Variants in ERG28 observed in about 807,000 individuals in gnomAD.
The protein encoded by ERG28 is ergosterol biosynthetic protein 28 homolog.
ERG28 carries 9 observed loss-of-function variants against 15.7 expected under a neutral mutation model. The ratio of observed to expected loss-of-function variants is 0.57; its 90% CI spans 0.35 to 1.00. The LOEUF (loss-of-function observed/expected upper bound fraction) is 1.00, where lower values mean the gene tolerates loss of function less well. Among genes scored for constraint, ERG28 ranks in the 50% least tolerant of loss-of-function variants. The pLI, the probability that ERG28 is intolerant of heterozygous loss-of-function variation, is 0.02. For missense variants in ERG28, 117 were observed against 173.3 expected (o/e 0.68, Z 1.82); for synonymous variants, 61 against 68.4 (o/e 0.89, Z 0.53).
intron 1 of ERG28, among the ~76,000 whole-genome samples, chr14:75,658,216 G>C (rs114297426): frequency 1.4e-3 from 216 of 152,264 alleles, no homozygotes; most frequent in African/African-American, 5.1e-3. Flanking sequence ...AGTTAAAATA[G>C]AGATCATAAG....
At position 75,651,905 on chromosome 14, in the gene ERG28, C is replaced by G; in HGVS notation, c.225-16G>C. ...GTGATAGAGCCTATAAGGAAGCAGA[C>G]AGAAATGGGAACCAAAGTTACTGTT... is the stretch of plus-strand genomic sequence containing the variant. On this transcript the variant is annotated splice_polypyrimidine_tract_variant and intron_variant, in intron 3 of 4. Transcript: ENST00000256319. 1 of 1,580,122 alleles carries G rather than the reference C, an allele frequency of 6.3e-7. No homozygotes were observed.
Position 75,651,479 on chromosome 14 carries a change from T to G in ERG28, c.*76A>C. ...GCAGATGATGGAATAGAAAAGAAATTAAAGAGGAGAGACGACGAAGGAAGA... is the reference window on the plus strand; with the variant it reads ...GCAGATGATGGAATAGAAAAGAAATGAAAGAGGAGAGACGACGAAGGAAGA... On this transcript the variant is annotated 3_prime_UTR_variant, in exon 5 of 5. Transcript: ENST00000256319. The G allele has an allele frequency of 2.9e-6, 4 of 1,385,374 alleles. No homozygotes were observed. Among genetic ancestry groups the G allele is most frequent in the Non-Finnish European group, 4.0e-6 (4 of 995,748 alleles). The allele number at this position is 1,385,374 out of a possible 1,614,324, so 85.8% of individuals were successfully genotyped here.
At chr14:75,657,326 C>T (rs1213351164) in intron 2 of ERG28, 44 bp downstream of exon 2, 1 of 1,609,042 alleles carries the variant, frequency 6.2e-7, no homozygotes, top group Non-Finnish European at 8.5e-7. Flanking sequence ...TAGGGCCAGT[C>T]CTATAAGTCC....
intron 3 of ERG28, among the ~76,000 whole-genome samples, chr14:75,653,783 T>G (rs138683344): frequency 6.8e-4 from 103 of 152,216 alleles, no homozygotes; most frequent in African/African-American, 2.3e-3. Flanking sequence ...CAGATATCTA[T>G]TCTCATTTTA....
At chr14:75,659,563 C>CT (rs10706626) in intron 1 of ERG28, among the ~76,000 whole-genome samples, 66,675 of 137,902 alleles carry the variant, frequency 0.48, 19,055 homozygotes, top group Non-Finnish European at 0.65. Flanking sequence ...AGCACCCAGC[C>CT]TTTTTTTTTT....
At chr14:75,656,685 C>T (rs1890602345) in intron 2 of ERG28, among the ~76,000 whole-genome samples, 2 of 152,172 alleles carry the variant, frequency 1.3e-5, no homozygotes, top group Non-Finnish European at 2.9e-5. Flanking sequence ...TTAAACTACC[C>T]CACACATCAG....
chr14:75,653,578 A>C (rs1268295627), intron 3 of ERG28, among the ~76,000 whole-genome samples: 20 of 151,506 alleles, frequency 1.3e-4, no homozygotes, highest in Admixed American at 1.3e-3. Flanking sequence ...ACTGTACTCC[A>C]GCTTGGGTGA....
At chr14:75,651,965 C>T in intron 3 of ERG28, 76 bp from the exon 4 acceptor site, 1 of 1,306,754 alleles carries the variant, frequency 7.7e-7, no homozygotes, top group Admixed American at 1.8e-5. Context: ...AGACTTCATA[C>T]AGACAAATAA....
intron 2 of ERG28, 101 bp downstream of exon 2, chr14:75,657,269 G>A (rs1566802929): frequency 1.2e-5 from 17 of 1,403,558 alleles, no homozygotes; most frequent in Middle Eastern, 1.9e-4. Context: ...GTTTGTTGAC[G>A]TTTCCTAGGT....
Position 75,651,579 on chromosome 14 carries a change from T to C in ERG28, c.399A>G (p.Val133=). ...CTCAGTTTCTCTTCTTCTGTCTGGA[T>C]ACTGGTTCTACTTCTAGATACCGGA... ...VGLRYLEVEP[V]SRQKKRN is the part of the protein sequence containing the mutation. The change falls in exon 5 of 5, where the codon GTA becomes GTG. Residue 133 remains valine, a synonymous_variant. Transcript: ENST00000256319. 1 of 1,613,364 alleles carries C rather than the reference T, an allele frequency of 6.2e-7. No homozygotes were observed. Among genetic ancestry groups the C allele is most frequent in the Non-Finnish European group, 8.5e-7 (1 of 1,179,358 alleles).
intron 1 of ERG28, among the ~76,000 whole-genome samples, chr14:75,659,129 G>A (rs146645327): frequency 6.6e-6 from 1 of 152,114 alleles, no homozygotes; most frequent in Non-Finnish European, 1.5e-5. Context: ...ACAGATGAGG[G>A]TTGGAACAGA....
In ERG28 at chr14:75,657,360, G is replaced by C. The variant is rs149661079; in HGVS notation, c.133+10C>G. Reference sequence around the variant, plus strand: ...CCTATAAAGGATGCAGAAATTCTTTGATTTCTTACCAAGGTTTGGCTTGCC... The same window carrying C: ...CCTATAAAGGATGCAGAAATTCTTTCATTTCTTACCAAGGTTTGGCTTGCC... On this transcript the variant is annotated intron_variant, in intron 2 of 4. Transcript: ENST00000256319. 2 of 1,613,728 alleles carry C rather than the reference G, an allele frequency of 1.2e-6. No homozygotes were observed. Among genetic ancestry groups the C allele is most frequent in the South Asian group, 1.1e-5 (1 of 91,066 alleles).
chr14:75,659,436 C>T (rs1216839935), intron 1 of ERG28, among the ~76,000 whole-genome samples: 1 of 152,060 alleles, frequency 6.6e-6, no homozygotes, highest in Non-Finnish European at 1.5e-5. Context: ...TGGCTCATTG[C>T]AGCCTTGAAA....
At chr14:75,660,027 T>C (rs947233076) in intron 1 of ERG28, among the ~76,000 whole-genome samples, 8 of 152,102 alleles carry the variant, frequency 5.3e-5, no homozygotes, top group Admixed American at 5.2e-4. Context: ...CCATTATCAT[T>C]TGGGCCAAGA....
chr14:75,659,798 T>C (rs1213130571), intron 1 of ERG28, among the ~76,000 whole-genome samples: 1 of 152,142 alleles, frequency 6.6e-6, no homozygotes, highest in Admixed American at 6.5e-5. Context: ...AGTTTCGGTA[T>C]TGTTCTCTGC....
intron 3 of ERG28, among the ~76,000 whole-genome samples, chr14:75,652,582 C>G (rs1162321736): frequency 1.3e-5 from 2 of 152,132 alleles, no homozygotes; most frequent in Admixed American, 6.5e-5. Context: ...TGAAATACTT[C>G]AAACATACAA....
chr14:75,652,816 C>T (rs1283057211), intron 3 of ERG28, among the ~76,000 whole-genome samples: 3 of 142,198 alleles, frequency 2.1e-5, no homozygotes, highest in South Asian at 2.2e-4. Context: ...TATTTTTACA[C>T]CTTTTTTTTT....
At chr14:75,655,733 T>C (rs1417228534) in intron 2 of ERG28, among the ~76,000 whole-genome samples, 3 of 152,194 alleles carry the variant, frequency 2.0e-5, no homozygotes, top group Non-Finnish European at 4.4e-5. Context: ...ACCAACTATA[T>C]CGTATTCTCT....
In ERG28 at chr14:75,657,445, T is replaced by A; in HGVS notation, c.58A>T (p.Met20Leu). 2 of 1,614,086 alleles carry A rather than the reference T, an allele frequency of 1.2e-6. No individual in the cohort carries two copies. Among genetic ancestry groups the A allele is most frequent in the Non-Finnish European group, 1.7e-6 (2 of 1,179,998 alleles). The change falls in exon 2 of 5, where the codon ATG (methionine) becomes TTG (leucine). Residue 20 changes from methionine (M) to leucine (L), a missense_variant. By Grantham distance (15) the Met-to-Leu change is conservative (BLOSUM62 2). Transcript: ENST00000256319. ...SWLVMVSIIAMGNTLQSFRDH... is the reference protein window; with the variant it reads ...SWLVMVSIIALGNTLQSFRDH... ...CGGAAGCTCTGCAGCGTGTTCCCCATGGCTATGATGGACACCATAACCAGC... is the reference window on the plus strand; with the variant it reads ...CGGAAGCTCTGCAGCGTGTTCCCCAAGGCTATGATGGACACCATAACCAGC...
Sources: allele counts gnomAD v4.1 joint callset (sites outside exome capture counted in the v4.1 genomes callset), GRCh38; gene constraint gnomAD v4.1.1; transcripts MANE v1.5; gene names NCBI Gene and HGNC (gene_info 2026-07-23, HGNC 2026-07-21).